Variants in AOPEP observed in about 807,000 individuals in gnomAD.
AOPEP encodes aminopeptidase O (putative), also known as aminopeptidase O.
In AOPEP, 77 loss-of-function variants were observed where a neutral mutation model predicts 98.1. That is an observed-to-expected ratio of 0.78 (90% CI 0.65 to 0.95). The LOEUF (loss-of-function observed/expected upper bound fraction) is 0.95, where lower values mean the gene tolerates loss of function less well. AOPEP is among the 40% of genes least tolerant of loss of function. AOPEP has a pLI of 0.00. For missense variants in AOPEP, 1,024 were observed against 1,024.7 expected, an observed-to-expected ratio of 1.00 and a Z score of 0.01; for synonymous variants, 346 against 365.3, an observed-to-expected ratio of 0.95 and a Z score of 0.60.
chr9:94,788,098 T>A (rs1024237561), intron 3 of AOPEP, among the ~76,000 whole-genome samples: 4 of 152,090 alleles, frequency 2.6e-5, no homozygotes, highest in Admixed American at 6.5e-5. Flanking sequence ...TGACATAGGG[T>A]CTTCCTCTGT....
the AOPEP span, chr9:95,123,991 T>C: frequency 2.9e-6 from 1 of 345,048 alleles, no homozygotes; most frequent in Non-Finnish European, 5.6e-6. Context: ...TGGTCCCAGC[T>C]ACACGCAGGG....
At chr9:94,996,347 C>CTT (rs1297893620) in intron 11 of AOPEP, among the ~76,000 whole-genome samples, 3 of 116,334 alleles carry the variant, frequency 2.6e-5, no homozygotes, top group Non-Finnish European at 3.6e-5. Context: ...ATTTTACTTG[C>CTT]CTCTGTGTGT....
intron 15 of AOPEP, among the ~76,000 whole-genome samples, chr9:95,081,613 T>C (rs548207536): frequency 1.3e-5 from 2 of 152,270 alleles, no homozygotes; most frequent in South Asian, 4.1e-4. Context: ...CCAGAAGAAA[T>C]GTCACATTTG....
At chr9:95,078,369 G>T (rs970644470) in intron 14 of AOPEP, among the ~76,000 whole-genome samples, 1 of 152,206 alleles carries the variant, frequency 6.6e-6, no homozygotes, top group Non-Finnish European at 1.5e-5. Context: ...AAGGAGAGGC[G>T]AAACCCTCCA....
intron 3 of AOPEP, among the ~76,000 whole-genome samples, chr9:94,773,599 G>A (rs1302099272): frequency 6.6e-6 from 1 of 152,176 alleles, no homozygotes; most frequent in Non-Finnish European, 1.5e-5. Flanking sequence ...TTGTCTTAAT[G>A]AAGCATCTTT....
At chr9:95,120,800 T>C in the AOPEP span, among the ~76,000 whole-genome samples, 2 of 152,260 alleles carry the variant, frequency 1.3e-5, no homozygotes, top group East Asian at 3.8e-4. Context: ...ATTTAATTGC[T>C]GAAATTAATG....
At chr9:94,904,559 G>T (rs1005505523) in intron 5 of AOPEP, 27 of 152,092 alleles carry the variant, frequency 1.8e-4, no homozygotes, top group African/African-American at 6.3e-4. Flanking sequence ...TAAAAATCAA[G>T]AATGTCCTAT....
chr9:94,839,567 A>G (rs1186973422), intron 5 of AOPEP, among the ~76,000 whole-genome samples: 1 of 152,146 alleles, frequency 6.6e-6, no homozygotes, highest in Non-Finnish European at 1.5e-5. Flanking sequence ...TTTCATAACT[A>G]GTATATAGAA....
At chr9:94,783,577 G>GT (rs1468434808) in intron 3 of AOPEP, among the ~76,000 whole-genome samples, 1 of 152,218 alleles carries the variant, frequency 6.6e-6, no homozygotes, top group Non-Finnish European at 1.5e-5. Flanking sequence ...CAGAAAGCTA[G>GT]TTTGCTGAAA....
chr9:94,924,741 A>G (rs1588910940), intron 6 of AOPEP, among the ~76,000 whole-genome samples: 1 of 152,228 alleles, frequency 6.6e-6, no homozygotes, highest in African/African-American at 2.4e-5. Flanking sequence ...GCTCTAACCA[A>G]TTGTCATGGT....
At chr9:94,944,673 T>G (rs2137603737) in intron 7 of AOPEP, among the ~76,000 whole-genome samples, 1 of 152,244 alleles carries the variant, frequency 6.6e-6, no homozygotes, top group South Asian at 2.1e-4. Flanking sequence ...CAAACAATCC[T>G]CCCACCTTGA....
chr9:94,870,683 T>C (rs939994565), intron 5 of AOPEP, among the ~76,000 whole-genome samples: 1 of 152,228 alleles, frequency 6.6e-6, no homozygotes, highest in South Asian at 2.1e-4. Context: ...TGCCAGGTGA[T>C]GACTAGATGT....
chr9:95,021,322 G>A (rs1322384482), intron 13 of AOPEP, among the ~76,000 whole-genome samples: 1 of 152,162 alleles, frequency 6.6e-6, no homozygotes, highest in Non-Finnish European at 1.5e-5. Context: ...AAGTGGGCAG[G>A]TGGCAAGAAA....
intron 16 of AOPEP, chr9:95,086,192 CCCCGG>C: frequency 7.7e-7 from 1 of 1,303,654 alleles, no homozygotes; most frequent in Non-Finnish European, 1.0e-6. Flanking sequence ...CCTGCGTCCA[CCCCGG>C]CCCGGCGGCA....
At chr9:94,952,077 T>C (rs1224441138) in intron 7 of AOPEP, among the ~76,000 whole-genome samples, 1 of 152,200 alleles carries the variant, frequency 6.6e-6, no homozygotes, top group Non-Finnish European at 1.5e-5. Flanking sequence ...GACCGACCAG[T>C]TGGATTTGCC....
intron 5 of AOPEP, among the ~76,000 whole-genome samples, chr9:94,844,180 C>T (rs1275334360): frequency 1.3e-5 from 2 of 152,218 alleles, no homozygotes; most frequent in Middle Eastern, 3.4e-3. Context: ...TTCAGCCCCA[C>T]GAGTAGCTGG....
intron 1 of AOPEP, among the ~76,000 whole-genome samples, chr9:94,758,836 A>T (rs2132428672): frequency 6.6e-6 from 1 of 152,270 alleles, no homozygotes; most frequent in East Asian, 1.9e-4. Flanking sequence ...TTGATTCAGA[A>T]CTTTTATGAA....
At chr9:94,829,866 A>G (rs1855557826) in intron 5 of AOPEP, among the ~76,000 whole-genome samples, 1 of 152,154 alleles carries the variant, frequency 6.6e-6, no homozygotes, top group Non-Finnish European at 1.5e-5. Context: ...CGTCATGACT[A>G]CAGGTGGCCC....
chr9:94,895,234 T>TTA (rs1554759805), intron 5 of AOPEP, among the ~76,000 whole-genome samples: 2 of 36,360 alleles, frequency 5.5e-5, no homozygotes, highest in Admixed American at 2.9e-4. Context: ...AAAAATAAAA[T>TTA]AAAATAAAAA....
Sources: allele counts gnomAD v4.1 joint callset (sites outside exome capture counted in the v4.1 genomes callset), GRCh38; gene constraint gnomAD v4.1.1; transcripts MANE v1.5; gene names NCBI Gene and HGNC (gene_info 2026-07-23, HGNC 2026-07-21).